DNAH5: variants seen among roughly 807,000 people sequenced by gnomAD.
DNAH5 encodes axonemal beta dynein heavy chain 5.
Under a neutral mutation model 518.2 loss-of-function variants are expected in DNAH5, and 372 were observed. That is an observed-to-expected ratio of 0.72 (90% CI 0.66 to 0.78). The LOEUF is 0.78. Among genes scored for constraint, DNAH5 ranks in the 30% least tolerant of loss-of-function variants. The pLI, the probability that DNAH5 is intolerant of heterozygous loss-of-function variation, is 0.00. For missense variants in DNAH5, 5,523 were observed against 5,687.0 expected, an observed-to-expected ratio of 0.97 and a Z score of 0.93; for synonymous variants, 2,039 against 2,025.9, an observed-to-expected ratio of 1.01 and a Z score of -0.17.
At chr5:13,834,306 C>G (rs4355524) in intron 35 of DNAH5, among the ~76,000 whole-genome samples, 62,737 of 151,666 alleles carry the variant, frequency 0.41, 13,372 homozygotes, top group East Asian at 0.61. Flanking sequence ...ACTATGATAC[C>G]TATATGTGAA....
At chr5:13,701,705 T>C (rs1315908232) in intron 76 of DNAH5, among the ~76,000 whole-genome samples, 1 of 152,238 alleles carries the variant, frequency 6.6e-6, no homozygotes, top group Non-Finnish European at 1.5e-5. Context: ...TCAAGATATC[T>C]AACGTCAATT....
intron 61 of DNAH5, 50 bp downstream of exon 61, chr5:13,758,796 A>C: frequency 6.2e-7 from 1 of 1,613,556 alleles, no homozygotes; most frequent in Non-Finnish European, 8.5e-7. Flanking sequence ...TCTTGGAGAG[A>C]GAAGCCGTGT....
chr5:13,820,330 C>T lies in DNAH5; in HGVS notation c.6841+16G>A, dbSNP rs1226823474. On this transcript the variant is annotated intron_variant, in intron 41 of 78. Coordinates refer to ENST00000265104, the MANE Select transcript of DNAH5 (RefSeq NM_001369.3). ...TAAATGGGCCACCCCAGGCATTGAC[C>T]TTGGCTGCCCTGTACCTGTCATGGC... The T allele has an allele frequency of 1.5e-5, 24 of 1,606,218 alleles. No homozygotes were observed. Among genetic ancestry groups the T allele is most frequent in the Non-Finnish European group, 1.9e-5 (23 of 1,179,970 alleles).
intron 38 of DNAH5, among the ~76,000 whole-genome samples, chr5:13,826,597 G>A (rs1429410917): frequency 6.6e-6 from 1 of 152,194 alleles, no homozygotes; most frequent in Non-Finnish European, 1.5e-5. Flanking sequence ...AGAATGTGTT[G>A]CTTCCCCTTC....
intron 50 of DNAH5, among the ~76,000 whole-genome samples, chr5:13,790,118 A>C (rs1042159642): frequency 6.6e-6 from 1 of 152,194 alleles, no homozygotes; most frequent in African/African-American, 2.4e-5. Context: ...AAATTAGTTC[A>C]AGCATTGTGG....
intron 70 of DNAH5, among the ~76,000 whole-genome samples, chr5:13,725,128 T>G (rs1160010134): frequency 6.6e-6 from 1 of 152,168 alleles, no homozygotes; most frequent in East Asian, 1.9e-4. Context: ...CCCACCTCCA[T>G]GCCAGGATGA....
rs145929382 is a variant in DNAH5 at position 13,904,659 on chromosome 5, C to T, written c.1645-2521G>A. Among the ~76,000 whole-genome samples, 433 of 151,926 alleles carry T rather than the reference C, an allele frequency of 2.9e-3. 4 individuals are homozygous for T. The South Asian group carries it at 0.03, about 11-fold the overall frequency. On this transcript the variant is annotated intron_variant, in intron 12 of 78. Transcript: ENST00000265104. ...AGTACAGTGGCTCACACCTTTAATCCCAGAACATTGGGAGGCCAAGGTTGG... is the reference window on the plus strand; with the variant it reads ...AGTACAGTGGCTCACACCTTTAATCTCAGAACATTGGGAGGCCAAGGTTGG...
At chr5:13,945,834 GC>G (rs1397786229), upstream of DNAH5, among the ~76,000 whole-genome samples, 3 of 152,084 alleles carry the variant, frequency 2.0e-5, no homozygotes, top group African/African-American at 7.2e-5. Context: ...CAAACTCCTG[GC>G]CTCAAGCAAT....
intron 49 of DNAH5, among the ~76,000 whole-genome samples, chr5:13,792,954 G>A (rs772072657): frequency 5.3e-5 from 8 of 152,108 alleles, no homozygotes; most frequent in South Asian, 2.1e-4. Context: ...ATCATTACTC[G>A]GGTAGGCATA....
chr5:13,754,327 T>C lies in DNAH5; in HGVS notation c.10431A>G (p.Glu3477=). ...QAMTEKQTLL[E]DAERCRHKMQ... is the part of the protein sequence containing the mutation. The stretch of plus-strand genomic sequence containing the variant: ...TCTTGTGTCTGCATCGCTCTGCATC[T>C]TCAAGCAAGGTCTAACAAAGGTCAT... Residue 3477 remains glutamate, a synonymous_variant, in exon 62 of 79, where the codon GAA becomes GAG. Transcript: ENST00000265104. 6.2e-7 allele frequency: 1 copy of C among 1,614,118 alleles called. No individual in the cohort carries two copies. The highest frequency in any genetic ancestry group is 8.5e-7 in the Non-Finnish European group (1 of 1,179,976).
intron 5 of DNAH5, 99 bp downstream of exon 5, chr5:13,922,006 CAT>C (rs1777356989): frequency 7.8e-7 from 1 of 1,283,050 alleles, no homozygotes; most frequent in Admixed American, 1.9e-5. Flanking sequence ...AGAACTGAAA[CAT>C]AGAGGAATTA....
intron 70 of DNAH5, among the ~76,000 whole-genome samples, chr5:13,725,340 T>C (rs1745575530): frequency 6.6e-6 from 1 of 152,208 alleles, no homozygotes; most frequent in African/African-American, 2.4e-5. Flanking sequence ...TCAGAGCATG[T>C]GCATTCTATG....
chr5:13,954,000 G>A (rs569074440), intron 1 of DNAH5, among the ~76,000 whole-genome samples: 4 of 152,268 alleles, frequency 2.6e-5, no homozygotes, highest in South Asian at 4.1e-4. Context: ...GAGCTGCCAC[G>A]CCCGGCCAGT....
Position 13,856,869 on chromosome 5 carries a change from A to G in DNAH5, c.4950+2583T>C, listed in dbSNP as rs184609628. On this transcript the variant is annotated intron_variant, in intron 30 of 78. Transcript: ENST00000265104. Reference sequence around the variant, plus strand: ...TATTGATGAAACACAACTCAAAATAATAAGAGCGATTTATGACAAATCCAC... The same window carrying G: ...TATTGATGAAACACAACTCAAAATAGTAAGAGCGATTTATGACAAATCCAC... Among the ~76,000 whole-genome samples, 51 of 152,326 alleles carry G rather than the reference A, an allele frequency of 3.3e-4. No individual in the cohort carries two copies. In the East Asian group the frequency reaches 8.9e-3, roughly 27 times the overall value.
At chr5:13,785,313 A>G (rs1231667442) in intron 52 of DNAH5, among the ~76,000 whole-genome samples, 1 of 151,726 alleles carries the variant, frequency 6.6e-6, no homozygotes, top group Non-Finnish European at 1.5e-5. Context: ...CCTGCTGCTC[A>G]CCTCCTGCTG....
intron 65 of DNAH5, 138 bp from the exon 66 acceptor site, chr5:13,737,633 A>C (rs1196552662): frequency 1.0e-6 from 1 of 970,654 alleles, no homozygotes; most frequent in African/African-American, 1.6e-5. Context: ...TATGGACATC[A>C]AAAAAGAAGG....
chr5:13,790,581 T>C (rs1382511887), intron 50 of DNAH5, among the ~76,000 whole-genome samples: 3 of 152,280 alleles, frequency 2.0e-5, no homozygotes, highest in East Asian at 3.9e-4. Flanking sequence ...CCCATGGTGT[T>C]CTCCTGATAG....
At chr5:13,984,197 G>A (rs1218954970) in intron 1 of DNAH5, among the ~76,000 whole-genome samples, 1 of 152,118 alleles carries the variant, frequency 6.6e-6, no homozygotes, top group African/African-American at 2.4e-5. Flanking sequence ...GCCTCTAACT[G>A]CTCAAAAAAG....
chr5:13,856,587 C>G (rs568288462), intron 30 of DNAH5, among the ~76,000 whole-genome samples: 2 of 152,146 alleles, frequency 1.3e-5, no homozygotes, highest in Non-Finnish European at 1.5e-5. Flanking sequence ...AGGCCAATAT[C>G]TCTTATGAAC....
Sources: gnomAD v4.1 joint callset for allele counts (sites outside exome capture counted in the v4.1 genomes callset) on GRCh38, gnomAD v4.1.1 for gene constraint, MANE v1.5 for transcripts, NCBI Gene and HGNC (gene_info 2026-07-23, HGNC 2026-07-21) for gene names.